Variants in ATOSA observed in about 807,000 individuals in gnomAD.
ATOSA encodes the protein atos homolog protein A.
the ATOSA span, among the ~76,000 whole-genome samples, chr15:52,643,128 G>T: frequency 6.6e-6 from 1 of 152,018 alleles, no homozygotes; most frequent in African/African-American, 2.4e-5. Flanking sequence ...CCTCATAGCA[G>T]GCCTTATAAA....
chr15:52,651,578 T>G, the ATOSA span, among the ~76,000 whole-genome samples: 1 of 152,218 alleles, frequency 6.6e-6, no homozygotes, highest in Non-Finnish European at 1.5e-5. Flanking sequence ...TATTCTCATT[T>G]CTATCACATT....
At chr15:52,696,181 A>G in the ATOSA span, among the ~76,000 whole-genome samples, 1 of 152,176 alleles carries the variant, frequency 6.6e-6, no homozygotes, top group South Asian at 2.1e-4. Context: ...CCTGCAACCC[A>G]GGTAAGAGCT....
At chr15:52,706,740 T>C in the ATOSA span, among the ~76,000 whole-genome samples, 2 of 152,212 alleles carry the variant, frequency 1.3e-5, no homozygotes. Context: ...AAGGGAGCGA[T>C]GTATTGATGC....
At chr15:52,614,548 A>G in the ATOSA span, among the ~76,000 whole-genome samples, 1 of 151,942 alleles carries the variant, frequency 6.6e-6, no homozygotes, top group Non-Finnish European at 1.5e-5. Context: ...TTTATAGCCT[A>G]TAATAATTAT....
chr15:52,628,237 G>C, the ATOSA span, among the ~76,000 whole-genome samples: 1 of 152,114 alleles, frequency 6.6e-6, no homozygotes, highest in Admixed American at 6.6e-5. Flanking sequence ...TTCAGTCAAT[G>C]ATTTTAGATA....
the ATOSA span, chr15:52,611,534 G>T: frequency 6.3e-7 from 1 of 1,586,278 alleles, no homozygotes; most frequent in Non-Finnish European, 8.6e-7. Flanking sequence ...TGGAAAACTT[G>T]ATTTACCAAG....
the ATOSA span, among the ~76,000 whole-genome samples, chr15:52,625,722 T>C: frequency 6.6e-6 from 1 of 152,198 alleles, no homozygotes; most frequent in African/African-American, 2.4e-5. Flanking sequence ...TACGTTTTTA[T>C]AGTCATCTAG....
At chr15:52,613,986 T>C in the ATOSA span, 53 of 829,434 alleles carry the variant, frequency 6.4e-5, no homozygotes, top group African/African-American at 8.6e-4. Context: ...ATAATAAAAA[T>C]GAGAATCAAA....
chr15:52,650,421 T>G, the ATOSA span, among the ~76,000 whole-genome samples: 1 of 152,328 alleles, frequency 6.6e-6, no homozygotes, highest in South Asian at 2.1e-4. Flanking sequence ...CAGCCACATG[T>G]AGGTCTACGT....
At chr15:52,616,325 G>A in the ATOSA span, among the ~76,000 whole-genome samples, 536 of 152,300 alleles carry the variant, frequency 3.5e-3, 4 homozygotes, top group African/African-American at 0.013. Flanking sequence ...GTTTTCTTCT[G>A]TTAAATGAAA....
the ATOSA span, among the ~76,000 whole-genome samples, chr15:52,617,211 G>C: frequency 6.6e-6 from 1 of 152,272 alleles, no homozygotes; most frequent in Admixed American, 6.5e-5. Context: ...TAAAAGAAGA[G>C]AAAGTGATCT....
chr15:52,658,820 A>G, the ATOSA span: 2 of 391,520 alleles, frequency 5.1e-6, no homozygotes, highest in Non-Finnish European at 8.9e-6. Flanking sequence ...AAAAAAAAAA[A>G]AAAAAAAAGT....
At chr15:52,666,629 A>G in the ATOSA span, among the ~76,000 whole-genome samples, 3 of 152,216 alleles carry the variant, frequency 2.0e-5, no homozygotes, top group African/African-American at 7.2e-5. Context: ...GTCAAGTAAT[A>G]AGTTTTATGC....
the ATOSA span, chr15:52,587,554 G>C: frequency 6.1e-6 from 1 of 162,726 alleles, no homozygotes; most frequent in African/African-American, 2.4e-5. Flanking sequence ...GAGGGAGAGG[G>C]GAAATGAAGA....
the ATOSA span, among the ~76,000 whole-genome samples, chr15:52,684,277 C>G: frequency 0.88 from 134,118 of 152,254 alleles, 59,209 homozygotes; most frequent in East Asian, 1. Flanking sequence ...GCTCATGGCT[C>G]TAATTCTGGC....
chr15:52,675,898 T>TC, the ATOSA span, among the ~76,000 whole-genome samples: 4 of 144,606 alleles, frequency 2.8e-5, no homozygotes, highest in Non-Finnish European at 6.0e-5. Flanking sequence ...AGAGCGAGAC[T>TC]CCGTCTCAAA....
the ATOSA span, among the ~76,000 whole-genome samples, chr15:52,641,890 C>T: frequency 1.3e-5 from 2 of 152,142 alleles, no homozygotes; most frequent in Non-Finnish European, 2.9e-5. Flanking sequence ...GGATTTAATG[C>T]TAAAGTAACA....
chr15:52,681,961 C>T, the ATOSA span, among the ~76,000 whole-genome samples: 2 of 152,220 alleles, frequency 1.3e-5, no homozygotes, highest in African/African-American at 4.8e-5. Context: ...GGATGAGCTC[C>T]ACCAGAGCAG....
the ATOSA span, among the ~76,000 whole-genome samples, chr15:52,666,952 T>TA: frequency 4.9e-3 from 699 of 141,888 alleles, 3 homozygotes; most frequent in East Asian, 8.8e-3. Flanking sequence ...AAAGCCAAGT[T>TA]AAAAAAAAAA....
Sources: allele counts gnomAD v4.1 joint callset (sites outside exome capture counted in the v4.1 genomes callset), GRCh38; gene constraint gnomAD v4.1.1; transcripts MANE v1.5; gene names NCBI Gene and HGNC (gene_info 2026-07-23, HGNC 2026-07-21).